The following SH2D4A variants were observed in gnomAD, a reference collection of about 807,000 sequenced individuals.
SH2D4A encodes SH2 domain-containing protein 4A.
SH2D4A carries 70 observed loss-of-function variants against 64.7 expected under a neutral mutation model. That is an observed-to-expected ratio of 1.08 (90% CI 0.89 to 1.32). The LOEUF (loss-of-function observed/expected upper bound fraction) is 1.32, where lower values mean the gene tolerates loss of function less well. Among genes scored for constraint, SH2D4A ranks in the 40% most tolerant of loss-of-function variants. SH2D4A has a pLI of 0.00. For synonymous variants in SH2D4A, 268 were observed against 200.7 expected (o/e 1.34, Z -2.83); for missense variants, 706 against 540.1 (o/e 1.31, Z -3.04).
At chr8:19,365,440 A>G (rs1324600805) in intron 7 of SH2D4A, among the ~76,000 whole-genome samples, 2 of 152,186 alleles carry the variant, frequency 1.3e-5, no homozygotes, top group Non-Finnish European at 2.9e-5. Context: ...TTGTGAGAAC[A>G]GCTGACAAAG....
chr8:19,376,476 G>A (rs2053198212), intron 8 of SH2D4A, among the ~76,000 whole-genome samples: 1 of 152,070 alleles, frequency 6.6e-6, no homozygotes, highest in Admixed American at 6.5e-5. Context: ...ACAAAAACTA[G>A]CTGGACATGG....
rs148007373 is a variant in SH2D4A, at chr8:19,326,419, C to T, written c.182-6536C>T. Among the ~76,000 whole-genome samples, 394 of 152,272 alleles carry T rather than the reference C, an allele frequency of 2.6e-3. 1 individual carries two copies. Among genetic ancestry groups the T allele is most frequent in the Non-Finnish European group, 4.1e-3 (277 of 68,036 alleles). On this transcript the variant is annotated intron_variant, in intron 2 of 9. Coordinates refer to ENST00000265807, the MANE Select transcript of SH2D4A (RefSeq NM_022071.4). The stretch of plus-strand genomic sequence containing the variant: ...TATGGCAGTGGTTTCTGGGAGTCTG[C>T]CAGCATGGTAACAACCTTGGTGTTG...
intron 8 of SH2D4A, among the ~76,000 whole-genome samples, chr8:19,377,514 T>A (rs922322741): frequency 1.3e-5 from 2 of 152,244 alleles, no homozygotes; most frequent in Non-Finnish European, 2.9e-5. Flanking sequence ...GCTGTAAACA[T>A]ATATATTGTA....
chr8:19,334,896 A>G, intron 4 of SH2D4A, 39 bp downstream of exon 4: 1 of 1,552,378 alleles, frequency 6.4e-7, no homozygotes, highest in Non-Finnish European at 8.7e-7. Flanking sequence ...GAATTTCATC[A>G]TGGGGGAGAA....
At chr8:19,339,376 C>T (rs2052491246) in intron 4 of SH2D4A, among the ~76,000 whole-genome samples, 1 of 152,064 alleles carries the variant, frequency 6.6e-6, no homozygotes, top group Non-Finnish European at 1.5e-5. Flanking sequence ...TCCTTCAGTC[C>T]ATCAAGTTGA....
chr8:19,352,738 G>A (rs934091202), intron 4 of SH2D4A, among the ~76,000 whole-genome samples: 42 of 152,154 alleles, frequency 2.8e-4, no homozygotes, highest in African/African-American at 9.6e-4. Flanking sequence ...CAGGTGTGGC[G>A]GCTCACACCT....
At chr8:19,345,135 G>C (rs1010354905) in intron 4 of SH2D4A, among the ~76,000 whole-genome samples, 1 of 152,160 alleles carries the variant, frequency 6.6e-6, no homozygotes, top group Non-Finnish European at 1.5e-5. Flanking sequence ...ATAGAGCCCA[G>C]GTGCAGGTAC....
At chr8:19,318,188 G>A (rs1432816957) in intron 1 of SH2D4A, among the ~76,000 whole-genome samples, 2 of 152,198 alleles carry the variant, frequency 1.3e-5, no homozygotes, top group East Asian at 1.9e-4. Context: ...ACAGGCGTGA[G>A]CCACCCCGCC....
At chr8:19,369,393 G>A (rs76561579) in intron 7 of SH2D4A, among the ~76,000 whole-genome samples, 7,407 of 152,086 alleles carry the variant, frequency 0.049, 597 homozygotes, top group African/African-American at 0.17. Context: ...GTTTTTTGCA[G>A]TAGTTTGAGA....
In SH2D4A at chr8:19,323,401, C is replaced by T. The variant is rs186136324; in HGVS notation, c.181+3673C>T. ...TTTTGATTTTTTTTTTTTTTTGAGACAGAGTCTCTTGCTCTGTCTCCCAGG... is the reference window on the plus strand; with the variant it reads ...TTTTGATTTTTTTTTTTTTTTGAGATAGAGTCTCTTGCTCTGTCTCCCAGG... On this transcript the variant is annotated intron_variant, in intron 2 of 9. Transcript: ENST00000265807. 7.0e-5 allele frequency among the ~76,000 whole-genome samples: 10 copies of T among 142,686 alleles called. No individual in the cohort carries two copies. The East Asian group carries it at 1.8e-3, about 26-fold the overall frequency. 93.6% of individuals were successfully genotyped at this position (142,686 alleles called of 152,430 possible). A position where few individuals can be genotyped will look rare whatever the true frequency, so the allele number is the denominator to read the frequency against.
intron 1 of SH2D4A, chr8:19,314,212 C>T: frequency 1.6e-6 from 1 of 638,862 alleles, no homozygotes; most frequent in Non-Finnish European, 2.0e-6. Flanking sequence ...CGTGCTTCCA[C>T]CCGCGGGGAG....
At chr8:19,389,319 T>G (rs1231772918) in intron 8 of SH2D4A, among the ~76,000 whole-genome samples, 3 of 152,176 alleles carry the variant, frequency 2.0e-5, no homozygotes, top group African/African-American at 7.2e-5. Flanking sequence ...GGCAAAATGT[T>G]TATTCTAGAG....
chr8:19,320,070 G>C (rs2052162400), intron 2 of SH2D4A, among the ~76,000 whole-genome samples: 1 of 152,120 alleles, frequency 6.6e-6, no homozygotes, highest in Non-Finnish European at 1.5e-5. Context: ...GCTACTACTA[G>C]AACACAAAGT....
At chr8:19,323,771 G>C (rs1345511500) in intron 2 of SH2D4A, among the ~76,000 whole-genome samples, 1 of 152,230 alleles carries the variant, frequency 6.6e-6, no homozygotes, top group African/African-American at 2.4e-5. Flanking sequence ...GCACCAGCCA[G>C]CATTCAATAC....
intron 8 of SH2D4A, among the ~76,000 whole-genome samples, chr8:19,374,064 C>T (rs1451223509): frequency 6.6e-6 from 1 of 152,196 alleles, no homozygotes; most frequent in African/African-American, 2.4e-5. Flanking sequence ...CAACCTTGAA[C>T]AAATCATTAC....
At chr8:19,383,227 G>C (rs1286860564) in intron 8 of SH2D4A, among the ~76,000 whole-genome samples, 1 of 152,030 alleles carries the variant, frequency 6.6e-6, no homozygotes, top group Non-Finnish European at 1.5e-5. Context: ...GGTAGGCTGT[G>C]TTCACTTTTC....
intron 4 of SH2D4A, among the ~76,000 whole-genome samples, chr8:19,343,501 AAAG>A (rs1178356081): frequency 5.3e-5 from 8 of 152,168 alleles, no homozygotes; most frequent in Non-Finnish European, 7.3e-5. Context: ...GTGGAAAAAA[AAAG>A]ATTAGGTAGT....
At chr8:19,346,437 C>T (rs1430713620) in intron 4 of SH2D4A, among the ~76,000 whole-genome samples, 3 of 152,218 alleles carry the variant, frequency 2.0e-5, no homozygotes, top group South Asian at 2.1e-4. Flanking sequence ...TAATGCCTGA[C>T]GATCTGTCAC....
chr8:19,317,260 A>G (rs1228883303), intron 1 of SH2D4A, among the ~76,000 whole-genome samples: 1 of 151,342 alleles, frequency 6.6e-6, no homozygotes, highest in Non-Finnish European at 1.5e-5. Flanking sequence ...AGAAGCTGCT[A>G]GAAACAAAAA....
Sources: allele counts gnomAD v4.1 joint callset (sites outside exome capture counted in the v4.1 genomes callset), GRCh38; gene constraint gnomAD v4.1.1; transcripts MANE v1.5; gene names NCBI Gene and HGNC (gene_info 2026-07-23, HGNC 2026-07-21).